EGFLAM: variants seen among roughly 807,000 people sequenced by gnomAD.
EGFLAM encodes pikachurin.
A neutral mutation model predicts 113.1 loss-of-function variants in EGFLAM; 79 were observed. The ratio of observed to expected loss-of-function variants is 0.70; its 90% confidence interval spans 0.58 to 0.84. The LOEUF (loss-of-function observed/expected upper bound fraction) is 0.84. Among genes scored for constraint, EGFLAM ranks in the 40% least tolerant of loss-of-function variants. The pLI is 0.00. For synonymous variants in EGFLAM, 504 were observed against 487.6 expected, an observed-to-expected ratio of 1.03 and a Z score of -0.44; for missense variants, 1,265 against 1,291.6, an observed-to-expected ratio of 0.98 and a Z score of 0.32.
At chr5:38,396,514 A>G (rs954674098) in intron 6 of EGFLAM, among the ~76,000 whole-genome samples, 5 of 152,238 alleles carry the variant, frequency 3.3e-5, no homozygotes, top group African/African-American at 9.6e-5. Flanking sequence ...TATAGAAAAC[A>G]TTCACTCACT....
chr5:38,258,564 C>G lies in EGFLAM; in HGVS notation c.-191C>G. On this transcript the variant is annotated 5_prime_UTR_variant, in exon 1 of 22. Coordinates refer to ENST00000322350, the MANE Select transcript of EGFLAM (RefSeq NM_152403.4). Reference sequence around the variant, plus strand: ...TGCAGCTTGCAGCCGGCTTCACTCGCGCACGCCGACCTCCCGGCTGCAGTC... The same window carrying G: ...TGCAGCTTGCAGCCGGCTTCACTCGGGCACGCCGACCTCCCGGCTGCAGTC... 2 of 628,780 alleles carry G rather than the reference C, an allele frequency of 3.2e-6. No individual in the cohort carries two copies. The allele number at this position is 628,780 out of a possible 1,614,324, so 39.0% of individuals were successfully genotyped here. A position where few individuals can be genotyped will look rare whatever the true frequency, so the allele number is the denominator to read the frequency against.
At chr5:38,394,071 A>G (rs1425197440) in intron 6 of EGFLAM, among the ~76,000 whole-genome samples, 1 of 151,878 alleles carries the variant, frequency 6.6e-6, no homozygotes, top group East Asian at 2.0e-4. Context: ...GAAGTTAGCC[A>G]TCTATCTATC....
chr5:38,368,863 A>G (rs1740135106), intron 5 of EGFLAM, among the ~76,000 whole-genome samples: 2 of 149,688 alleles, frequency 1.3e-5, no homozygotes, highest in Non-Finnish European at 3.0e-5. Flanking sequence ...TCTGTCAAAG[A>G]AAAAAAAAAG....
At chr5:38,391,922 G>A (rs1222301468) in intron 6 of EGFLAM, among the ~76,000 whole-genome samples, 7 of 151,514 alleles carry the variant, frequency 4.6e-5, no homozygotes, top group Non-Finnish European at 8.8e-5. Context: ...GATTACAGGC[G>A]CCCACCACCA....
At chr5:38,449,153 C>A (rs2112259130) in intron 18 of EGFLAM, among the ~76,000 whole-genome samples, 1 of 152,294 alleles carries the variant, frequency 6.6e-6, no homozygotes, top group Admixed American at 6.5e-5. Context: ...TGCTATTCCC[C>A]TTTCTGCTCC....
intron 17 of EGFLAM, among the ~76,000 whole-genome samples, chr5:38,441,444 C>A (rs1212674142): frequency 2.6e-5 from 4 of 152,064 alleles, no homozygotes; most frequent in Non-Finnish European, 4.4e-5. Context: ...GATTTCTTTC[C>A]TTTTTTCTTT....
At chr5:38,338,021 G>C (rs2111947801) in intron 2 of EGFLAM, among the ~76,000 whole-genome samples, 1 of 152,338 alleles carries the variant, frequency 6.6e-6, no homozygotes, top group East Asian at 1.9e-4. Flanking sequence ...GCAAAATGGA[G>C]GAAGCACCAG....
chr5:38,402,858 G>A (rs1484429367), intron 6 of EGFLAM, among the ~76,000 whole-genome samples: 2 of 152,176 alleles, frequency 1.3e-5, no homozygotes, highest in African/African-American at 4.8e-5. Flanking sequence ...AATTTATGTT[G>A]TAGGCAGTGG....
At position 38,353,576 on chromosome 5, in the gene EGFLAM, G is replaced by C. The variant is rs547441440; in HGVS notation, c.545+1245G>C. On this transcript the variant is annotated intron_variant, in intron 5 of 21. Transcript: ENST00000322350. ...CAGATATGTGTTTCTTCAGAGGTGAGGTACTGCACAGAATCTCTTTAATGC... is the reference window on the plus strand; with the variant it reads ...CAGATATGTGTTTCTTCAGAGGTGACGTACTGCACAGAATCTCTTTAATGC... 4.6e-5 allele frequency among the ~76,000 whole-genome samples: 7 copies of C among 152,340 alleles called. No homozygotes were observed. In the Middle Eastern group the frequency reaches 0.014, roughly 296 times the overall value.
chr5:38,456,164 C>T (rs376942722), intron 19 of EGFLAM, among the ~76,000 whole-genome samples: 1 of 152,122 alleles, frequency 6.6e-6, no homozygotes, highest in Non-Finnish European at 1.5e-5. Flanking sequence ...TTGGCTCCTA[C>T]GATGTGCAGT....
chr5:38,411,681 C>T (rs1384790669), intron 10 of EGFLAM, among the ~76,000 whole-genome samples: 1 of 151,914 alleles, frequency 6.6e-6, no homozygotes, highest in Admixed American at 6.6e-5. Flanking sequence ...CAGGGTTTCA[C>T]CATGTTGGCC....
At chr5:38,426,915 G>A (rs1462151833) in intron 13 of EGFLAM, 94 bp from the exon 14 acceptor site, 1 of 1,539,412 alleles carries the variant, frequency 6.5e-7, no homozygotes, top group African/African-American at 1.4e-5. Context: ...TGTAGTTTAG[G>A]TCTGTACCCA....
intron 6 of EGFLAM, among the ~76,000 whole-genome samples, chr5:38,402,931 C>T (rs540047208): frequency 2.6e-5 from 4 of 152,240 alleles, no homozygotes; most frequent in African/African-American, 9.6e-5. Context: ...AGAATCTTAA[C>T]CTTGTTGAGA....
chr5:38,342,902 TTCA>T (rs1466619146), intron 3 of EGFLAM, among the ~76,000 whole-genome samples: 4 of 151,974 alleles, frequency 2.6e-5, no homozygotes, highest in Admixed American at 6.6e-5. Flanking sequence ...AGAAATAGAG[TTCA>T]TGTGTTTTCT....
rs1740899444 is a variant in EGFLAM, at chr5:38,394,429, A to G, written c.713-11697A>G. On this transcript the variant is annotated intron_variant, in intron 6 of 21. Transcript: ENST00000322350. ...GTAACCACATTTTTTTTTTTTAATG[A>G]GACGGAGTCCCGCTCTGTCTCCCAG... 1.3e-5 allele frequency among the ~76,000 whole-genome samples: 2 copies of G among 150,758 alleles called. 1 individual carries two copies.
At chr5:38,417,578 G>A (rs545250461) in intron 11 of EGFLAM, among the ~76,000 whole-genome samples, 12 of 126,066 alleles carry the variant, frequency 9.5e-5, no homozygotes, top group East Asian at 5.1e-4. Context: ...TCCACCCCCC[G>A]TCCACCCCAA....
intron 1 of EGFLAM, among the ~76,000 whole-genome samples, chr5:38,305,790 T>C (rs1758703721): frequency 6.6e-6 from 1 of 152,186 alleles, no homozygotes; most frequent in Non-Finnish European, 1.5e-5. Flanking sequence ...ATTATGTAGG[T>C]TCTGCATGTC....
At chr5:38,423,918 G>A (rs1741916550) in intron 12 of EGFLAM, among the ~76,000 whole-genome samples, 1 of 152,156 alleles carries the variant, frequency 6.6e-6, no homozygotes, top group South Asian at 2.1e-4. Context: ...GGAGGGAAGG[G>A]TGAGAGATTC....
intron 5 of EGFLAM, among the ~76,000 whole-genome samples, chr5:38,358,002 G>A (rs71621866): frequency 7.2e-6 from 1 of 139,734 alleles, no homozygotes; most frequent in Admixed American, 7.6e-5. Context: ...ATTTAGCTAA[G>A]CCAGGAATGG....
Sources: allele counts gnomAD v4.1 joint callset (sites outside exome capture counted in the v4.1 genomes callset), GRCh38; gene constraint gnomAD v4.1.1; transcripts MANE v1.5; gene names NCBI Gene and HGNC (gene_info 2026-07-23, HGNC 2026-07-21).